The following ZNF521 variants were observed in gnomAD, a reference collection of about 807,000 sequenced individuals.
ZNF521 encodes the protein LYST-interacting protein 3.
Under a neutral mutation model 105.5 loss-of-function variants are expected in ZNF521, and 14 were observed. That is an observed-to-expected ratio of 0.13 (90% CI 0.09 to 0.21). The LOEUF (loss-of-function observed/expected upper bound fraction) is 0.21, where lower values mean the gene tolerates loss of function less well. Among genes scored for constraint, ZNF521 ranks in the 10% least tolerant of loss-of-function variants. The pLI is 1.00. For synonymous variants in ZNF521, 635 were observed against 606.0 expected, an observed-to-expected ratio of 1.05 and a Z score of -0.70; for missense variants, 1,233 against 1,629.7, an observed-to-expected ratio of 0.76 and a Z score of 4.19.
intron 4 of ZNF521, among the ~76,000 whole-genome samples, chr18:25,220,180 G>A (rs1448210941): frequency 6.6e-6 from 1 of 152,236 alleles, no homozygotes; most frequent in Non-Finnish European, 1.5e-5. Context: ...CAGGAAGGAA[G>A]ACAGAGGCCC....
intron 2 of ZNF521, chr18:25,327,804 G>A (rs893125456): frequency 3.7e-5 from 15 of 404,650 alleles, no homozygotes; most frequent in African/African-American, 6.2e-5. Context: ...CGTCTGTCCC[G>A]CACTCGCCTG....
chr18:25,184,283 C>T (rs1245362979), intron 5 of ZNF521, among the ~76,000 whole-genome samples: 1 of 152,060 alleles, frequency 6.6e-6, no homozygotes, highest in Non-Finnish European at 1.5e-5. Flanking sequence ...TAACCTGTTA[C>T]AGTAGATAGA....
chr18:25,175,328 G>T (rs1211917701), intron 5 of ZNF521, among the ~76,000 whole-genome samples: 2 of 152,158 alleles, frequency 1.3e-5, no homozygotes, highest in African/African-American at 4.8e-5. Flanking sequence ...AATTTGGGGA[G>T]AATGAAGATA....
intron 5 of ZNF521, among the ~76,000 whole-genome samples, chr18:25,151,436 C>T (rs148048501): frequency 0.011 from 1,732 of 152,218 alleles, 34 homozygotes; most frequent in African/African-American, 0.04. Flanking sequence ...ACTATTATCA[C>T]CTAGAAGAAA....
intron 3 of ZNF521, among the ~76,000 whole-genome samples, chr18:25,294,521 A>T (rs1911213163): frequency 1.3e-5 from 2 of 152,166 alleles, no homozygotes; most frequent in Admixed American, 1.3e-4. Flanking sequence ...TGTACATGGC[A>T]AACCTGTCCT....
At chr18:25,110,762 C>T (rs2034172021) in intron 5 of ZNF521, among the ~76,000 whole-genome samples, 6 of 151,484 alleles carry the variant, frequency 4.0e-5, no homozygotes, top group South Asian at 4.2e-4. Context: ...AATAACATTT[C>T]CCCCTCCTTT....
At chr18:25,165,454 C>T (rs2035322411) in intron 5 of ZNF521, among the ~76,000 whole-genome samples, 1 of 152,200 alleles carries the variant, frequency 6.6e-6, no homozygotes, top group African/African-American at 2.4e-5. Context: ...ATCCCACCGT[C>T]CCCCGGTAGA....
At chr18:25,074,107 T>C (rs2033299805) in intron 7 of ZNF521, among the ~76,000 whole-genome samples, 1 of 152,184 alleles carries the variant, frequency 6.6e-6, no homozygotes, top group African/African-American at 2.4e-5. Flanking sequence ...GGAATATGCC[T>C]GTGCGCATGT....
chr18:25,128,129 C>G (rs2034570660), intron 5 of ZNF521, among the ~76,000 whole-genome samples: 1 of 151,788 alleles, frequency 6.6e-6, no homozygotes, highest in Non-Finnish European at 1.5e-5. Flanking sequence ...TACCGTATGA[C>G]CCAGTGGGAT....
In ZNF521 at chr18:25,195,169, G is replaced by T; in HGVS notation, c.3649C>A (p.His1217Asn). The T allele has an allele frequency of 6.3e-7, 1 of 1,598,272 alleles. No individual in the cohort carries two copies. The highest frequency in any genetic ancestry group is 1.1e-5 in the South Asian group (1 of 89,256). Residue 1217 changes from histidine to asparagine, a missense_variant, in exon 5 of 8, where the codon CAC becomes AAC. This residue lies in a region of ZNF521 where 76 missense variants were observed against 137.2 expected (regional missense o/e 0.55). Coordinates refer to ENST00000361524, the MANE Select transcript of ZNF521 (RefSeq NM_015461.3). ...TTAGAGTGTCACTCACCAATCATGT[G>T]ATTTGCAACATGAACCTGAATATCC... is the stretch of plus-strand genomic sequence containing the variant. Reference protein sequence around the residue: ...EWDIQVHVANHMIDEGLNHEC... With the variant: ...EWDIQVHVANNMIDEGLNHEC...
intron 5 of ZNF521, among the ~76,000 whole-genome samples, chr18:25,102,159 C>T (rs1056044235): frequency 6.6e-6 from 1 of 152,072 alleles, no homozygotes; most frequent in Non-Finnish European, 1.5e-5. Context: ...ACAAATAACA[C>T]TCCTAATGCT....
chr18:25,105,786 T>G (rs959988550), intron 5 of ZNF521, among the ~76,000 whole-genome samples: 1 of 152,126 alleles, frequency 6.6e-6, no homozygotes. Context: ...TCGGAGCAAA[T>G]TTTTAGTTAA....
intron 7 of ZNF521, among the ~76,000 whole-genome samples, chr18:25,083,950 T>G (rs929741409): frequency 1.5e-5 from 2 of 131,106 alleles, no homozygotes; most frequent in Non-Finnish European, 3.3e-5. Context: ...TTTTTTTTTT[T>G]TTTTTTTTTT....
intron 4 of ZNF521, among the ~76,000 whole-genome samples, chr18:25,211,480 T>C (rs1194006127): frequency 6.6e-6 from 1 of 152,218 alleles, no homozygotes; most frequent in African/African-American, 2.4e-5. Flanking sequence ...GCATTTTCTA[T>C]ATTAATAATG....
intron 2 of ZNF521, among the ~76,000 whole-genome samples, chr18:25,335,068 G>C (rs1432825802): frequency 6.6e-6 from 1 of 152,098 alleles, no homozygotes; most frequent in Non-Finnish European, 1.5e-5. Context: ...GTGACATGCC[G>C]ATTGTGCACA....
chr18:25,115,601 T>C (rs2034286600), intron 5 of ZNF521, among the ~76,000 whole-genome samples: 1 of 152,234 alleles, frequency 6.6e-6, no homozygotes, highest in Non-Finnish European at 1.5e-5. Context: ...TTTAGATTTG[T>C]CTTCTCAGTA....
In ZNF521 at chr18:25,225,054, G is replaced by A. The variant is rs546033266; in HGVS notation, c.2864C>T (p.Pro955Leu). ...AATAGGGCACATGTAGTGTTTGACA[G>A]GGCCTAGGTGGGTCTGCATATGTTC... The part of the protein sequence containing the change: ...LREHMQTHLG[P>L]VKHYMCPICG... Residue 955 changes from proline to leucine, a missense_variant, in exon 4 of 8, where the codon CCT (proline) becomes CTT (leucine). By Grantham distance (98) the Pro-to-Leu change is moderately conservative. Coordinates refer to ENST00000361524, the MANE Select transcript of ZNF521 (RefSeq NM_015461.3). The surrounding 1 kb of genome is among the most constrained non-coding windows in gnomAD (Gnocchi z 5.6). 4.3e-6 allele frequency: 7 copies of A among 1,614,198 alleles called. No individual in the cohort carries two copies. In the East Asian group the frequency reaches 1.1e-4, roughly 26 times the overall value.
intron 3 of ZNF521, among the ~76,000 whole-genome samples, chr18:25,295,298 C>T (rs1462339060): frequency 1.3e-5 from 2 of 152,184 alleles, no homozygotes; most frequent in African/African-American, 4.8e-5. Context: ...GTCAATTCGA[C>T]ATTTGCAGGG....
chr18:25,135,449 G>C (rs1353081588), intron 5 of ZNF521, among the ~76,000 whole-genome samples: 2 of 151,924 alleles, frequency 1.3e-5, no homozygotes, highest in African/African-American at 2.4e-5. Flanking sequence ...GGCTGGAGAC[G>C]GCTCCATGAC....
Sources: gnomAD v4.1 joint callset for allele counts (sites outside exome capture counted in the v4.1 genomes callset) on GRCh38, gnomAD v4.1.1 for gene constraint, gnomAD v4.1.1 regional missense constraint, Gnocchi (gnomAD v3.1) non-coding constraint, MANE v1.5 for transcripts, NCBI Gene and HGNC (gene_info 2026-07-23, HGNC 2026-07-21) for gene names.